The following ST6GALNAC1 variants were observed in gnomAD, a reference collection of about 807,000 sequenced individuals.
ST6GALNAC1 encodes alpha-N-acetylgalactosaminide alpha-2,6-sialyltransferase 1.
ST6GALNAC1 carries 45 observed loss-of-function variants against 56.8 expected under a neutral mutation model. That is an observed-to-expected ratio of 0.79 (90% CI 0.62 to 1.02). The LOEUF (loss-of-function observed/expected upper bound fraction) is 1.02. ST6GALNAC1 is among the 50% of genes least tolerant of loss of function. The pLI is 0.00. For synonymous variants in ST6GALNAC1, 295 were observed against 297.8 expected, an observed-to-expected ratio of 0.99 and a Z score of 0.10; for missense variants, 743 against 754.8, an observed-to-expected ratio of 0.98 and a Z score of 0.18.
chr17:76,636,624 C>T (rs933317137), intron 1 of ST6GALNAC1, among the ~76,000 whole-genome samples: 2 of 152,116 alleles, frequency 1.3e-5, no homozygotes, highest in African/African-American at 2.4e-5. Context: ...AAAGTCCTCC[C>T]GCCCGGCCAG....
At chr17:76,631,525 T>C (rs1043313215) in intron 1 of ST6GALNAC1, among the ~76,000 whole-genome samples, 1 of 152,168 alleles carries the variant, frequency 6.6e-6, no homozygotes, top group Non-Finnish European at 1.5e-5. Flanking sequence ...TAGTTGAGCC[T>C]CTGGGGGGGC....
rs1001586587 is a variant in ST6GALNAC1, at chr17:76,627,672, G to A, written c.832-89C>T. 5.4e-5 allele frequency: 71 copies of A among 1,325,784 alleles called. No homozygotes were observed. The highest frequency in any genetic ancestry group is 9.2e-5 in the East Asian group (4 of 43,386). The allele number at this position is 1,325,784 out of a possible 1,614,324, so 82.1% of individuals were successfully genotyped here. A position where few individuals can be genotyped will look rare whatever the true frequency, so the allele number is the denominator to read the frequency against. Reference sequence around the variant, plus strand: ...ACCACTGCAGCAAGGGCTGGGGCTCGCAGTTTGGAAGGCGCGGCCTCTGCT... The same window carrying A: ...ACCACTGCAGCAAGGGCTGGGGCTCACAGTTTGGAAGGCGCGGCCTCTGCT... On this transcript the variant is annotated intron_variant, in intron 2 of 8. Coordinates refer to ENST00000156626, the MANE Select transcript of ST6GALNAC1 (RefSeq NM_018414.5). This position sits in a 1 kb window ranked among gnomAD's most constrained non-coding sequence, Gnocchi z 4.4.
At chr17:76,623,863 TGAG>T (rs1455319278), downstream of ST6GALNAC1, among the ~76,000 whole-genome samples, 10 of 152,360 alleles carry the variant, frequency 6.6e-5, no homozygotes, top group Non-Finnish European at 1.5e-4. Flanking sequence ...AGTTTAAATT[TGAG>T]GAGGCCAATA....
chr17:76,626,449 G>A (rs1452237716), intron 5 of ST6GALNAC1, 57 bp from the exon 6 acceptor site: 13 of 1,571,530 alleles, frequency 8.3e-6, no homozygotes, highest in South Asian at 1.1e-5. Context: ...CCACCACCGA[G>A]GGTGGCCCAG....
At chr17:76,640,920 G>GTATT (rs2076040519) in intron 1 of ST6GALNAC1, among the ~76,000 whole-genome samples, 1 of 151,930 alleles carries the variant, frequency 6.6e-6, no homozygotes, top group South Asian at 2.1e-4. Flanking sequence ...TCAGATGTAT[G>GTATT]TAAAAAAAAC....
At chr17:76,632,810 C>A (rs900813042) in intron 1 of ST6GALNAC1, among the ~76,000 whole-genome samples, 7 of 152,112 alleles carry the variant, frequency 4.6e-5, no homozygotes, top group African/African-American at 1.7e-4. Flanking sequence ...AGTCCAGAGG[C>A]ACAGGCAAAT....
intron 1 of ST6GALNAC1, among the ~76,000 whole-genome samples, chr17:76,639,166 T>G (rs2076014209): frequency 6.6e-6 from 1 of 152,210 alleles, no homozygotes; most frequent in Non-Finnish European, 1.5e-5. Flanking sequence ...GCCATAAAGT[T>G]TAAACGTTTT....
intron 1 of ST6GALNAC1, among the ~76,000 whole-genome samples, chr17:76,638,220 G>A (rs1464278447): frequency 6.7e-6 from 1 of 150,296 alleles, no homozygotes; most frequent in Non-Finnish European, 1.5e-5. Context: ...GCTAAAACAA[G>A]CATAGATCTT....
chr17:76,641,147 A>G (rs1294789452), intron 1 of ST6GALNAC1, among the ~76,000 whole-genome samples: 1 of 152,184 alleles, frequency 6.6e-6, no homozygotes, highest in Non-Finnish European at 1.5e-5. Context: ...GCATGTCTCA[A>G]TTGAGTAACT....
chr17:76,642,031 CTATATA>C (rs1035112230), intron 1 of ST6GALNAC1: 268 of 150,094 alleles, frequency 1.8e-3, no homozygotes, highest in Non-Finnish European at 3.3e-3. Context: ...ATATCTATAT[CTATATA>C]TACAATATAT....
At chr17:76,628,807 C>T (rs1183393383) in intron 2 of ST6GALNAC1, among the ~76,000 whole-genome samples, 1 of 152,166 alleles carries the variant, frequency 6.6e-6, no homozygotes, top group Non-Finnish European at 1.5e-5. Flanking sequence ...CTGCCTGCTC[C>T]TCCTCCCCCA....
At chr17:76,641,694 A>G (rs1207642765) in intron 1 of ST6GALNAC1, 4 of 152,200 alleles carry the variant, frequency 2.6e-5, no homozygotes, top group Non-Finnish European at 5.9e-5. Context: ...TCATGTAAAC[A>G]TATGCATTGT....
chr17:76,641,364 G>C (rs550868857), intron 1 of ST6GALNAC1, among the ~76,000 whole-genome samples: 1 of 151,924 alleles, frequency 6.6e-6, no homozygotes, highest in Non-Finnish European at 1.5e-5. Context: ...ACTGCATTTA[G>C]AAGTATTGTA....
At chr17:76,628,257 TC>T (rs2075838335) in intron 2 of ST6GALNAC1, among the ~76,000 whole-genome samples, 4 of 30,814 alleles carry the variant, frequency 1.3e-4, no homozygotes, top group East Asian at 1.2e-3. Flanking sequence ...CCTCCCTCCC[TC>T]CCTCCCTCCC....
chr17:76,630,646 C>T (rs1425365792), intron 1 of ST6GALNAC1, among the ~76,000 whole-genome samples: 10 of 148,344 alleles, frequency 6.7e-5, no homozygotes, highest in African/African-American at 1.2e-4. Flanking sequence ...AGTGCAGTGG[C>T]GCGATCTTGG....
rs762927372 is a variant in ST6GALNAC1, at chr17:76,627,392, C to A, written c.1000+23G>T. 11 of 1,613,340 alleles carry A rather than the reference C, an allele frequency of 6.8e-6. No homozygotes were observed. The highest frequency in any genetic ancestry group is 9.3e-6 in the Non-Finnish European group (11 of 1,179,624). ...GCCCCGGCCTACTGCGCACCCACAC[C>A]TTCCCCTGGGTTAAGGACTCACAGG... On this transcript the variant is annotated intron_variant, in intron 3 of 8. Coordinates refer to ENST00000156626, the MANE Select transcript of ST6GALNAC1 (RefSeq NM_018414.5). The surrounding 1 kb of genome is among the most constrained non-coding windows in gnomAD (Gnocchi z 4.4).
chr17:76,629,542 C>T lies in ST6GALNAC1; in HGVS notation c.301G>A (p.Gly101Arg). ...QPKAHTTGDR[G>R]KEANQAPPEE... ...GGCGGTGCCTGGTTGGCCTCCTTTC[C>T]TCTGTCTCCGGTGGTGTGGGCCTTG... is the stretch of plus-strand genomic sequence containing the variant. The change falls in exon 2 of 9, where the codon GGA (glycine) becomes AGA (arginine). Residue 101 changes from glycine to arginine, a missense_variant. Coordinates refer to ENST00000156626, the MANE Select transcript of ST6GALNAC1 (RefSeq NM_018414.5). 1 of 1,614,040 alleles carries T rather than the reference C, an allele frequency of 6.2e-7. No individual in the cohort carries two copies. Among genetic ancestry groups the T allele is most frequent in the Non-Finnish European group, 8.5e-7 (1 of 1,180,014 alleles).
downstream of ST6GALNAC1, among the ~76,000 whole-genome samples, chr17:76,622,655 G>A (rs958428455): frequency 4.6e-5 from 7 of 152,260 alleles, no homozygotes; most frequent in East Asian, 5.8e-4. Context: ...GAGCCACCGC[G>A]CCTGGCCCAT....
downstream of ST6GALNAC1, among the ~76,000 whole-genome samples, chr17:76,620,063 C>T (rs1025734077): frequency 8.8e-5 from 13 of 147,444 alleles, no homozygotes; most frequent in African/African-American, 3.3e-4. Flanking sequence ...ATTTTTTATA[C>T]AGAGTCTTGC....
Sources: gnomAD v4.1 joint callset for allele counts (sites outside exome capture counted in the v4.1 genomes callset) on GRCh38, gnomAD v4.1.1 for gene constraint, Gnocchi (gnomAD v3.1) non-coding constraint, MANE v1.5 for transcripts, NCBI Gene and HGNC (gene_info 2026-07-23, HGNC 2026-07-21) for gene names.